BTG4: variants seen among roughly 807,000 people sequenced by gnomAD.
BTG4 encodes the protein BTG anti-proliferation factor 4.
Under a neutral mutation model 19.3 loss-of-function variants are expected in BTG4, and 10 were observed. The observed-to-expected ratio is 0.52, with a 90% CI of 0.32 to 0.88. The LOEUF (loss-of-function observed/expected upper bound fraction) is 0.88, where lower values mean the gene tolerates loss of function less well. Ranked by LOEUF, BTG4 falls within the 40% of genes least tolerant of loss-of-function variation. The pLI, the probability that BTG4 is intolerant of heterozygous loss-of-function variation, is 0.04. For missense variants in BTG4, 238 were observed against 281.9 expected (o/e 0.84, Z 1.11); for synonymous variants, 91 against 95.7 (o/e 0.95, Z 0.29).
In BTG4 at chr11:111,498,591, T is replaced by G. The variant is rs375496831; in HGVS notation, c.173+13A>C. On this transcript the variant is annotated intron_variant, in intron 2 of 4. Transcript: ENST00000692032. ...GATTGCTTCCCTTTGCCATCCCACA[T>G]ACTAGCTCTCACCTGAAGGCTTGCC... 2 of 1,607,146 alleles carry G rather than the reference T, an allele frequency of 1.2e-6. No individual in the cohort carries two copies. Among genetic ancestry groups the G allele is most frequent in the African/African-American group, 2.7e-5 (2 of 74,538 alleles).
chr11:111,502,599 T>G (rs969572254), intron 1 of BTG4, among the ~76,000 whole-genome samples: 8 of 152,252 alleles, frequency 5.3e-5, no homozygotes, highest in Non-Finnish European at 1.0e-4. Flanking sequence ...GCTGAAATTT[T>G]GCTTCTGAAC....
the BTG4 span, among the ~76,000 whole-genome samples, chr11:111,422,636 G>A: frequency 2.0e-5 from 3 of 152,218 alleles, no homozygotes; most frequent in African/African-American, 4.8e-5. Context: ...GAATCACCAC[G>A]TGGAAACACT....
At chr11:111,436,633 A>AAG in the BTG4 span, among the ~76,000 whole-genome samples, 1 of 11,444 alleles carries the variant, frequency 8.7e-5, no homozygotes, top group Non-Finnish European at 2.6e-4. Flanking sequence ...GTCTCAAAAA[A>AAG]AGAAAAAAAA....
the BTG4 span, among the ~76,000 whole-genome samples, chr11:111,389,892 C>T: frequency 1.3e-5 from 2 of 152,192 alleles, no homozygotes; most frequent in Non-Finnish European, 2.9e-5. Flanking sequence ...TCCAGGAGTT[C>T]CATGTGTGCC....
chr11:111,436,945 T>C, the BTG4 span, among the ~76,000 whole-genome samples: 1 of 152,254 alleles, frequency 6.6e-6, no homozygotes, highest in African/African-American at 2.4e-5. Flanking sequence ...ACCATCACCC[T>C]GCCCTGGGGC....
At chr11:111,463,873 T>A (rs1863562490), downstream of BTG4, among the ~76,000 whole-genome samples, 2 of 152,164 alleles carry the variant, frequency 1.3e-5, no homozygotes, top group Non-Finnish European at 2.9e-5. Flanking sequence ...AGACCTCAAG[T>A]CCTTGCCTGC....
At chr11:111,423,381 A>G in the BTG4 span, among the ~76,000 whole-genome samples, 7 of 152,224 alleles carry the variant, frequency 4.6e-5, no homozygotes, top group Admixed American at 1.3e-4. Context: ...CCATATCTCC[A>G]TTGTCAAAAC....
At chr11:111,513,291 G>A (rs769856569), upstream of BTG4, 4 of 462,772 alleles carry the variant, frequency 8.6e-6, no homozygotes, top group Admixed American at 4.8e-5. Context: ...GGTTAATACT[G>A]TATGCTGTGA....
chr11:111,475,973 C>T (rs1864371828), intron 5 of BTG4, among the ~76,000 whole-genome samples: 1 of 151,968 alleles, frequency 6.6e-6, no homozygotes, highest in Non-Finnish European at 1.5e-5. Context: ...TATTCACCAC[C>T]ACAAGAACAG....
At chr11:111,390,254 A>G in the BTG4 span, among the ~76,000 whole-genome samples, 1 of 152,204 alleles carries the variant, frequency 6.6e-6, no homozygotes, top group African/African-American at 2.4e-5. Flanking sequence ...TCATTCATTC[A>G]GCAAATATTT....
chr11:111,485,702 G>A (rs890027928), intron 5 of BTG4, among the ~76,000 whole-genome samples: 2 of 151,994 alleles, frequency 1.3e-5, no homozygotes, highest in Non-Finnish European at 2.9e-5. Flanking sequence ...AGAAAAGCAA[G>A]AGCAAACCAA....
At chr11:111,448,739 G>C in the BTG4 span, 1 of 151,388 alleles carries the variant, frequency 6.6e-6, no homozygotes, top group Non-Finnish European at 1.5e-5. Context: ...AGTCAAACTC[G>C]GCTCAGGTGT....
chr11:111,412,573 A>T, the BTG4 span, among the ~76,000 whole-genome samples: 1 of 152,240 alleles, frequency 6.6e-6, no homozygotes, highest in Non-Finnish European at 1.5e-5. Flanking sequence ...AATAACATTC[A>T]TGTGGTGCTT....
the BTG4 span, chr11:111,452,611 C>T: frequency 1.3e-5 from 2 of 152,258 alleles, no homozygotes; most frequent in African/African-American, 2.4e-5. Context: ...AACCACTCCA[C>T]AAGACCACCT....
the BTG4 span, among the ~76,000 whole-genome samples, chr11:111,438,211 G>A: frequency 0.016 from 2,500 of 152,292 alleles, 35 homozygotes; most frequent in Non-Finnish European, 0.023. Context: ...GCTGACACGG[G>A]GTCCCAGAGT....
chr11:111,476,342 T>G (rs774188768), intron 5 of BTG4, among the ~76,000 whole-genome samples: 16 of 152,294 alleles, frequency 1.1e-4, no homozygotes, highest in Admixed American at 2.6e-4. Flanking sequence ...TTGTCATAAT[T>G]AAGAGACATC....
At chr11:111,476,231 G>A (rs1026092516) in intron 5 of BTG4, among the ~76,000 whole-genome samples, 6 of 151,722 alleles carry the variant, frequency 4.0e-5, no homozygotes, top group African/African-American at 1.5e-4. Flanking sequence ...AAGAATTAAA[G>A]CTTTCTTTTT....
chr11:111,405,433 AAAG>A, the BTG4 span, among the ~76,000 whole-genome samples: 1 of 135,540 alleles, frequency 7.4e-6, no homozygotes, highest in African/African-American at 2.7e-5. Flanking sequence ...AAAAAAAAAA[AAAG>A]ATGTCAGGAC....
chr11:111,452,878 G>A, the BTG4 span, among the ~76,000 whole-genome samples: 9 of 152,308 alleles, frequency 5.9e-5, no homozygotes, highest in Non-Finnish European at 1.2e-4. Flanking sequence ...TTTGAAACAG[G>A]AGAATTATTA....
Sources: allele counts gnomAD v4.1 joint callset (sites outside exome capture counted in the v4.1 genomes callset), GRCh38; gene constraint gnomAD v4.1.1; transcripts MANE v1.5; gene names NCBI Gene and HGNC (gene_info 2026-07-23, HGNC 2026-07-21).